FAM78B: variants seen among roughly 807,000 people sequenced by gnomAD.
The protein encoded by FAM78B is family with sequence similarity 78 member B.
Under a neutral mutation model 20.0 loss-of-function variants are expected in FAM78B, and 10 were observed. The ratio of observed to expected loss-of-function variants is 0.50; its 90% CI spans 0.31 to 0.85. The LOEUF (loss-of-function observed/expected upper bound fraction) is 0.85, where lower values mean the gene tolerates loss of function less well. FAM78B is among the 40% of genes least tolerant of loss of function. The pLI is 0.05. For missense variants in FAM78B, 283 were observed against 345.0 expected, an observed-to-expected ratio of 0.82 and a Z score of 1.42; for synonymous variants, 135 against 132.8, an observed-to-expected ratio of 1.02 and a Z score of -0.12.
At chr1:166,163,378 C>A (rs1008597583) in intron 1 of FAM78B, among the ~76,000 whole-genome samples, 1 of 152,234 alleles carries the variant, frequency 6.6e-6, no homozygotes, top group Admixed American at 6.5e-5. Flanking sequence ...TAGAAGCCTA[C>A]CCCTTCTTGG....
downstream of FAM78B, among the ~76,000 whole-genome samples, chr1:166,069,121 T>C (rs573532096): frequency 5.3e-5 from 8 of 152,240 alleles, no homozygotes; most frequent in East Asian, 3.9e-4. Context: ...TAAATATATA[T>C]AAAAATATAC....
intron 1 of FAM78B, among the ~76,000 whole-genome samples, chr1:166,080,503 A>G (rs559648963): frequency 6.6e-6 from 1 of 152,220 alleles, no homozygotes; most frequent in African/African-American, 2.4e-5. Flanking sequence ...CACTGTCCTG[A>G]GAGTCTGTGG....
At chr1:166,146,186 G>C (rs938593262) in intron 1 of FAM78B, among the ~76,000 whole-genome samples, 1 of 152,200 alleles carries the variant, frequency 6.6e-6, no homozygotes, top group Non-Finnish European at 1.5e-5. Context: ...TAAAACATTA[G>C]TTCAATGGAC....
At chr1:166,124,256 G>C (rs1654564942) in intron 1 of FAM78B, among the ~76,000 whole-genome samples, 1 of 152,134 alleles carries the variant, frequency 6.6e-6, no homozygotes, top group Non-Finnish European at 1.5e-5. Context: ...ATTCACAGTT[G>C]CTTCTCCCCA....
chr1:166,143,308 G>T (rs1307601382), intron 1 of FAM78B, among the ~76,000 whole-genome samples: 1 of 152,038 alleles, frequency 6.6e-6, no homozygotes, highest in Non-Finnish European at 1.5e-5. Flanking sequence ...AGAGGAGAGG[G>T]TAAGCCTGGC....
chr1:166,097,437 C>T (rs1479577031), intron 1 of FAM78B, among the ~76,000 whole-genome samples: 1 of 152,212 alleles, frequency 6.6e-6, no homozygotes, highest in African/African-American at 2.4e-5. Flanking sequence ...TTTTCTTCTG[C>T]AGCTGAGAGG....
intron 1 of FAM78B, among the ~76,000 whole-genome samples, chr1:166,118,898 T>C (rs540500802): frequency 2.0e-5 from 3 of 152,264 alleles, no homozygotes; most frequent in Non-Finnish European, 4.4e-5. Flanking sequence ...TCTGCTGATG[T>C]GCACCTCTTC....
chr1:166,078,234 G>A (rs1190968711), intron 1 of FAM78B, among the ~76,000 whole-genome samples: 1 of 151,884 alleles, frequency 6.6e-6, no homozygotes, highest in Non-Finnish European at 1.5e-5. Context: ...GTTTCACCAT[G>A]TTAGCCAGGA....
chr1:166,115,138 G>A (rs1024503519), intron 1 of FAM78B, among the ~76,000 whole-genome samples: 4 of 152,186 alleles, frequency 2.6e-5, no homozygotes, highest in South Asian at 4.1e-4. Context: ...GCCAGAGACC[G>A]CTCCAAGCTC....
At chr1:166,096,976 G>A (rs985345810) in intron 1 of FAM78B, among the ~76,000 whole-genome samples, 3 of 152,140 alleles carry the variant, frequency 2.0e-5, no homozygotes, top group Non-Finnish European at 4.4e-5. Flanking sequence ...CTGAGAGGAC[G>A]CACAGACCCT....
intron 1 of FAM78B, among the ~76,000 whole-genome samples, chr1:166,104,752 T>G (rs1185844639): frequency 6.6e-6 from 1 of 152,168 alleles, no homozygotes; most frequent in Admixed American, 6.5e-5. Context: ...GTAGGAAGAA[T>G]CAACATCGTG....
intron 1 of FAM78B, among the ~76,000 whole-genome samples, chr1:166,110,364 C>G (rs1335636998): frequency 6.6e-6 from 1 of 152,164 alleles, no homozygotes; most frequent in Non-Finnish European, 1.5e-5. Flanking sequence ...CCTCCCTCTG[C>G]AGAGCTGGGC....
At chr1:166,144,767 C>T (rs1571202306) in intron 1 of FAM78B, among the ~76,000 whole-genome samples, 1 of 152,118 alleles carries the variant, frequency 6.6e-6, no homozygotes, top group Admixed American at 6.5e-5. Context: ...AGGGGAAAAG[C>T]ACATCAAAGG....
At chr1:166,133,963 A>G (rs1342529597) in intron 1 of FAM78B, among the ~76,000 whole-genome samples, 1 of 152,120 alleles carries the variant, frequency 6.6e-6, no homozygotes, top group African/African-American at 2.4e-5. Context: ...ACTTACCTCC[A>G]TTTTACCAAC....
chr1:166,143,668 T>C (rs12564121), intron 1 of FAM78B, among the ~76,000 whole-genome samples: 140,751 of 151,898 alleles, frequency 0.93, 66,117 homozygotes, highest in East Asian at 1. Flanking sequence ...AGGGTCCTGA[T>C]GGGAGGCCAT....
At chr1:166,075,001 A>G (rs1652209043) in intron 1 of FAM78B, among the ~76,000 whole-genome samples, 2 of 152,200 alleles carry the variant, frequency 1.3e-5, no homozygotes, top group Non-Finnish European at 2.9e-5. Flanking sequence ...GTGTGATACC[A>G]AGCATGGATG....
intron 1 of FAM78B, among the ~76,000 whole-genome samples, chr1:166,095,775 T>G (rs1215646433): frequency 6.6e-6 from 1 of 151,968 alleles, no homozygotes. Context: ...GGGACCTGAG[T>G]AGATGAACAA....
chr1:166,099,708 G>A (rs1031382030), intron 1 of FAM78B, among the ~76,000 whole-genome samples: 3 of 152,092 alleles, frequency 2.0e-5, no homozygotes, highest in African/African-American at 4.8e-5. Flanking sequence ...AAAAGGCCTC[G>A]TCCAAAAGGA....
At chr1:166,081,584 C>T (rs1394001771) in intron 1 of FAM78B, among the ~76,000 whole-genome samples, 1 of 152,218 alleles carries the variant, frequency 6.6e-6, no homozygotes, top group East Asian at 1.9e-4. Flanking sequence ...CCTGACCACA[C>T]AGCAAGCCCT....
Sources: allele counts gnomAD v4.1 joint callset (sites outside exome capture counted in the v4.1 genomes callset), GRCh38; gene constraint gnomAD v4.1.1; transcripts MANE v1.5; gene names NCBI Gene and HGNC (gene_info 2026-07-23, HGNC 2026-07-21).